RANBP2: variants seen among roughly 807,000 people sequenced by gnomAD.
The protein encoded by RANBP2 is E3 SUMO-protein ligase RanBP2.
In RANBP2, 57 loss-of-function variants were observed where a neutral mutation model predicts 303.6. That is an observed-to-expected ratio of 0.19 (90% CI 0.15 to 0.23). The LOEUF (loss-of-function observed/expected upper bound fraction) is 0.23, where lower values mean the gene tolerates loss of function less well. RANBP2 is among the 10% of genes least tolerant of loss of function. The probability of loss-of-function intolerance (pLI) is 1.00; values close to 1 mark genes in which losing one functional copy is unlikely to be tolerated. For missense variants in RANBP2, 3,138 were observed against 3,780.8 expected (o/e 0.83, Z 4.46); for synonymous variants, 1,167 against 1,301.5 (o/e 0.90, Z 2.23).
the RANBP2 span, among the ~76,000 whole-genome samples, chr2:108,878,818 A>G: frequency 6.6e-6 from 1 of 152,232 alleles, no homozygotes; most frequent in African/African-American, 2.4e-5. Flanking sequence ...ACATTATCAG[A>G]AAGAGTTGAA....
the RANBP2 span, among the ~76,000 whole-genome samples, chr2:109,592,722 G>GT: frequency 6.6e-6 from 1 of 151,106 alleles, no homozygotes; most frequent in African/African-American, 2.4e-5. Flanking sequence ...AGAGGTTGCA[G>GT]TGAGCCGAGA....
chr2:109,219,611 T>C, the RANBP2 span, among the ~76,000 whole-genome samples: 2 of 152,144 alleles, frequency 1.3e-5, no homozygotes, highest in East Asian at 3.9e-4. Flanking sequence ...AGTTGCAAAA[T>C]ATAAAATTAA....
chr2:108,901,491 A>C, the RANBP2 span, among the ~76,000 whole-genome samples: 1 of 152,232 alleles, frequency 6.6e-6, no homozygotes, highest in Non-Finnish European at 1.5e-5. Flanking sequence ...GTAATCAATG[A>C]AATTGAAAAC....
At chr2:108,781,492 G>T (rs1678254206) in intron 26 of RANBP2, 63 bp downstream of exon 26, 1 of 1,487,512 alleles carries the variant, frequency 6.7e-7, no homozygotes. Context: ...TTTTACCCTG[G>T]CTTGATCTGT....
the RANBP2 span, among the ~76,000 whole-genome samples, chr2:109,709,207 G>A: frequency 6.6e-6 from 1 of 151,108 alleles, no homozygotes; most frequent in Non-Finnish European, 1.5e-5. Flanking sequence ...TCGGGAGGCT[G>A]AGGCAGGAGA....
At chr2:108,929,987 C>T in the RANBP2 span, 1 of 1,129,092 alleles carries the variant, frequency 8.9e-7, no homozygotes, top group Non-Finnish European at 1.2e-6. Flanking sequence ...TCTCAACGTC[C>T]AGGGAGCGTG....
chr2:108,741,161 CTATT>C, intron 7 of RANBP2, among the ~76,000 whole-genome samples: 2 of 152,036 alleles, frequency 1.3e-5, no homozygotes, highest in Admixed American at 1.3e-4. Flanking sequence ...AACAGTATAT[CTATT>C]AATCTTTGAA....
the RANBP2 span, among the ~76,000 whole-genome samples, chr2:109,586,005 C>A: frequency 1.3e-5 from 2 of 152,032 alleles, no homozygotes; most frequent in Non-Finnish European, 2.9e-5. Context: ...GGAAAAGAAA[C>A]CTGTGTCCAG....
the RANBP2 span, among the ~76,000 whole-genome samples, chr2:109,160,322 G>C: frequency 1.3e-5 from 2 of 152,244 alleles, no homozygotes; most frequent in African/African-American, 4.8e-5. Flanking sequence ...CTTTCTTGGG[G>C]TGCAGCCCAT....
chr2:109,423,073 G>C, the RANBP2 span, among the ~76,000 whole-genome samples: 1 of 152,186 alleles, frequency 6.6e-6, no homozygotes, highest in East Asian at 1.9e-4. Context: ...TTCCACAGTC[G>C]ATGGGTGCAG....
the RANBP2 span, among the ~76,000 whole-genome samples, chr2:108,972,108 C>G: frequency 6.6e-6 from 1 of 152,194 alleles, no homozygotes; most frequent in East Asian, 1.9e-4. Context: ...CCAGAACCAC[C>G]CAGCGGAGCC....
the RANBP2 span, among the ~76,000 whole-genome samples, chr2:109,178,819 G>A: frequency 6.6e-6 from 1 of 152,222 alleles, no homozygotes; most frequent in South Asian, 2.1e-4. Flanking sequence ...CAAAATAATT[G>A]TGTTACAGTG....
At chr2:109,646,420 C>A in the RANBP2 span, among the ~76,000 whole-genome samples, 1 of 152,160 alleles carries the variant, frequency 6.6e-6, no homozygotes, top group Non-Finnish European at 1.5e-5. Context: ...TCATGCCCAA[C>A]CACACTGGAG....
At chr2:109,343,769 G>A in the RANBP2 span, among the ~76,000 whole-genome samples, 3 of 149,942 alleles carry the variant, frequency 2.0e-5, no homozygotes, top group Non-Finnish European at 3.0e-5. Flanking sequence ...CTTAGACACA[G>A]GTTCTTGCCC....
the RANBP2 span, among the ~76,000 whole-genome samples, chr2:109,591,754 C>T: frequency 6.1e-4 from 92 of 151,922 alleles, no homozygotes; most frequent in African/African-American, 1.9e-3. Flanking sequence ...AAAAATTGGC[C>T]GAGTGTGGTG....
the RANBP2 span, among the ~76,000 whole-genome samples, chr2:108,947,478 A>C: frequency 6.6e-6 from 1 of 152,178 alleles, no homozygotes; most frequent in East Asian, 1.9e-4. Flanking sequence ...GAGGTTCTCC[A>C]TGAGGGCTTC....
the RANBP2 span, among the ~76,000 whole-genome samples, chr2:109,244,580 C>A: frequency 6.6e-6 from 1 of 152,122 alleles, no homozygotes; most frequent in Non-Finnish European, 1.5e-5. Context: ...CTAATAGTTG[C>A]TATAGGAATA....
At chr2:109,459,507 C>T in the RANBP2 span, among the ~76,000 whole-genome samples, 487 of 152,228 alleles carry the variant, frequency 3.2e-3, 3 homozygotes, top group African/African-American at 0.011. Flanking sequence ...ACCTCAGTCA[C>T]GGGGCATTGT....
the RANBP2 span, among the ~76,000 whole-genome samples, chr2:109,461,089 A>G: frequency 1.3e-5 from 2 of 152,224 alleles, no homozygotes; most frequent in Non-Finnish European, 2.9e-5. Context: ...GACCATAGGC[A>G]TTTTAGGCCA....
Sources: allele counts gnomAD v4.1 joint callset (sites outside exome capture counted in the v4.1 genomes callset), GRCh38; gene constraint gnomAD v4.1.1; transcripts MANE v1.5; gene names NCBI Gene and HGNC (gene_info 2026-07-23, HGNC 2026-07-21).